RASA2: variants seen among roughly 807,000 people sequenced by gnomAD.
RASA2 encodes the protein ras GTPase-activating protein 2.
RASA2 carries 155 observed loss-of-function variants against 118.2 expected under a neutral mutation model. That is an observed-to-expected ratio of 1.31 (90% confidence interval 1.15 to 1.50). The LOEUF (loss-of-function observed/expected upper bound fraction) is 1.50. RASA2 is among the 40% of genes most tolerant of loss of function. The probability of loss-of-function intolerance (pLI) is 0.00; values close to 1 mark genes in which losing one functional copy is unlikely to be tolerated. For synonymous variants in RASA2, 353 were observed against 349.1 expected (o/e 1.01, Z -0.12); for missense variants, 1,016 against 1,009.6 (o/e 1.01, Z -0.09).
At chr3:141,611,032 G>A (rs931265512) in intron 23 of RASA2, among the ~76,000 whole-genome samples, 3 of 152,126 alleles carry the variant, frequency 2.0e-5, no homozygotes, top group African/African-American at 4.8e-5. Context: ...GCATTTATTG[G>A]GAACTTACTC....
chr3:141,547,605 C>G (rs1299920411), intron 5 of RASA2, among the ~76,000 whole-genome samples: 1 of 152,092 alleles, frequency 6.6e-6, no homozygotes, highest in Non-Finnish European at 1.5e-5. Context: ...TTGGTGGAGT[C>G]TTTAGGTTTT....
chr3:141,512,513 T>G (rs547077099), intron 2 of RASA2, among the ~76,000 whole-genome samples: 1 of 152,216 alleles, frequency 6.6e-6, no homozygotes, highest in Non-Finnish European at 1.5e-5. Flanking sequence ...GTTTGAACTT[T>G]CCTCAAAGTA....
intron 1 of RASA2, among the ~76,000 whole-genome samples, chr3:141,492,021 G>A (rs886686064): frequency 3.9e-5 from 6 of 152,326 alleles, no homozygotes; most frequent in Non-Finnish European, 7.4e-5. Context: ...AGTTATTTAG[G>A]ATGGAGGAAG....
At chr3:141,516,930 C>A (rs886163899) in intron 3 of RASA2, among the ~76,000 whole-genome samples, 1 of 152,096 alleles carries the variant, frequency 6.6e-6, no homozygotes, top group Admixed American at 6.5e-5. Flanking sequence ...TGTGCCACCA[C>A]GCCTAGCCAA....
At chr3:141,498,918 TGAG>T (rs1425636872) in intron 1 of RASA2, among the ~76,000 whole-genome samples, 6 of 152,186 alleles carry the variant, frequency 3.9e-5, no homozygotes, top group Non-Finnish European at 8.8e-5. Context: ...GTTTGCCACT[TGAG>T]GAAGGGGTCT....
rs1391547170 is a variant in RASA2 at position 141,573,033 on chromosome 3, G to C, written c.1285-114G>C. Reference sequence around the variant, plus strand: ...GTTATCCCTGCATAGGACATTTTACGCTTTGCTACAGTTTAAATTTCTATA... The same window carrying C: ...GTTATCCCTGCATAGGACATTTTACCCTTTGCTACAGTTTAAATTTCTATA... On this transcript the variant is annotated intron_variant, in intron 12 of 23. Coordinates refer to ENST00000286364, the MANE Select transcript of RASA2 (RefSeq NM_006506.5). 8.7e-6 allele frequency: 8 copies of C among 922,102 alleles called. No individual in the cohort carries two copies. In the East Asian group the frequency reaches 2.1e-4, roughly 24 times the overall value. The allele number at this position is 922,102 out of a possible 1,614,324, so 57.1% of individuals were successfully genotyped here.
intron 1 of RASA2, among the ~76,000 whole-genome samples, chr3:141,501,893 C>CA: frequency 1.3e-5 from 2 of 151,898 alleles, no homozygotes; most frequent in South Asian, 4.2e-4. Flanking sequence ...ATGTAAATGA[C>CA]AAAATGTGCA....
intron 1 of RASA2, among the ~76,000 whole-genome samples, chr3:141,500,492 A>G (rs557092150): frequency 2.0e-5 from 3 of 152,222 alleles, no homozygotes; most frequent in Non-Finnish European, 2.9e-5. Context: ...CTACTTTTCT[A>G]CTAATCACTT....
chr3:141,587,105 C>T (rs2083216862), intron 19 of RASA2, among the ~76,000 whole-genome samples: 1 of 152,154 alleles, frequency 6.6e-6, no homozygotes. Context: ...GATTCCATAT[C>T]GAATAAATGA....
intron 1 of RASA2, among the ~76,000 whole-genome samples, chr3:141,493,349 T>C (rs1400777268): frequency 1.3e-5 from 2 of 152,224 alleles, no homozygotes; most frequent in Non-Finnish European, 2.9e-5. Context: ...TAGGTGGAGA[T>C]TGAACCTGGA....
At chr3:141,552,943 A>G (rs1038207965) in intron 5 of RASA2, among the ~76,000 whole-genome samples, 1 of 152,222 alleles carries the variant, frequency 6.6e-6, no homozygotes, top group African/African-American at 2.4e-5. Context: ...TCATAAACTC[A>G]GTAATATTTA....
intron 19 of RASA2, among the ~76,000 whole-genome samples, chr3:141,606,480 T>C (rs295321): frequency 0.071 from 10,863 of 152,282 alleles, 751 homozygotes; most frequent in East Asian, 0.24. Context: ...TATGGTCTTT[T>C]GTCTTTCCAG....
intron 9 of RASA2, among the ~76,000 whole-genome samples, chr3:141,567,082 T>C (rs987467280): frequency 1.3e-5 from 2 of 152,170 alleles, no homozygotes; most frequent in African/African-American, 2.4e-5. Flanking sequence ...AGAAAGGCCT[T>C]AGCACAGGAT....
chr3:141,531,348 T>G (rs1401780372), intron 4 of RASA2, among the ~76,000 whole-genome samples: 1 of 151,874 alleles, frequency 6.6e-6, no homozygotes, highest in Non-Finnish European at 1.5e-5. Flanking sequence ...AATATAGAAT[T>G]CTTGTAGATG....
At chr3:141,503,885 T>C (rs536323686) in intron 1 of RASA2, among the ~76,000 whole-genome samples, 2 of 152,338 alleles carry the variant, frequency 1.3e-5, no homozygotes, top group African/African-American at 4.8e-5. Flanking sequence ...GTGCTTTTGG[T>C]AACTGTATAC....
chr3:141,537,016 G>A (rs2082337177), intron 4 of RASA2, among the ~76,000 whole-genome samples: 1 of 152,112 alleles, frequency 6.6e-6, no homozygotes, highest in Non-Finnish European at 1.5e-5. Context: ...CAAAGTGCTG[G>A]GATTACAGGC....
chr3:141,612,430 C>A lies in RASA2; in HGVS notation c.*117C>A. The A allele has an allele frequency of 1.3e-6, 1 of 741,098 alleles. No homozygotes were observed. The highest frequency in any genetic ancestry group is 2.2e-6 in the Non-Finnish European group (1 of 457,782). 45.9% of individuals were successfully genotyped at this position (741,098 alleles called of 1,614,324 possible). ...TGAGCATCCGCTTCAATGTCATCTGCCTCCACATTGTATTTAATATTTAAT... is the reference window on the plus strand; with the variant it reads ...TGAGCATCCGCTTCAATGTCATCTGACTCCACATTGTATTTAATATTTAAT... On this transcript the variant is annotated 3_prime_UTR_variant, in exon 24 of 24. Coordinates refer to ENST00000286364, the MANE Select transcript of RASA2 (RefSeq NM_006506.5).
chr3:141,587,713 CA>C (rs1156964232), intron 19 of RASA2, among the ~76,000 whole-genome samples: 1,093 of 55,834 alleles, frequency 0.02, 5 homozygotes, highest in African/African-American at 0.044. Flanking sequence ...GACTCCATCT[CA>C]AAAAAAAAAA....
In RASA2 at chr3:141,555,985, A is replaced by T. The variant is rs2082644267; in HGVS notation, c.684+73A>T. ...AATGCTAGTTGATTTCTTTTTTCAAACCACAGTCATAGTAATCATTTTATC... is the reference window on the plus strand; with the variant it reads ...AATGCTAGTTGATTTCTTTTTTCAATCCACAGTCATAGTAATCATTTTATC... On this transcript the variant is annotated intron_variant, in intron 7 of 23. Transcript: ENST00000286364. The T allele has an allele frequency of 6.0e-6, 7 of 1,164,438 alleles. No homozygotes were observed. In the Admixed American group the frequency reaches 1.3e-4, roughly 22 times the overall value. 72.1% of individuals were successfully genotyped at this position (1,164,438 alleles called of 1,614,324 possible).
Sources: gnomAD v4.1 joint callset for allele counts (sites outside exome capture counted in the v4.1 genomes callset) on GRCh38, gnomAD v4.1.1 for gene constraint, MANE v1.5 for transcripts, NCBI Gene and HGNC (gene_info 2026-07-23, HGNC 2026-07-21) for gene names.